Variants in FBXL22 observed in about 807,000 individuals in gnomAD.
FBXL22 encodes F-box and leucine-rich protein 22.
FBXL22 carries 13 observed loss-of-function variants against 11.7 expected under a neutral mutation model. The ratio of observed to expected loss-of-function variants is 1.11; its 90% CI spans 0.73 to 1.77. The LOEUF (loss-of-function observed/expected upper bound fraction) is 1.77, where lower values mean the gene tolerates loss of function less well. FBXL22 is among the 40% of genes most tolerant of loss of function. The pLI is 0.00. For synonymous variants in FBXL22, 160 were observed against 144.1 expected, an observed-to-expected ratio of 1.11 and a Z score of -0.79; for missense variants, 406 against 320.4, an observed-to-expected ratio of 1.27 and a Z score of -2.04.
At chr15:63,599,776 C>T in intron 1 of FBXL22, 1 of 986,306 alleles carries the variant, frequency 1.0e-6, no homozygotes, top group Non-Finnish European at 1.2e-6. Flanking sequence ...AGGCCCCGGC[C>T]CATTAGTCGG....
At chr15:63,606,746 A>T (rs1388526590), downstream of FBXL22, among the ~76,000 whole-genome samples, 3 of 152,186 alleles carry the variant, frequency 2.0e-5, no homozygotes, top group Admixed American at 1.3e-4. Flanking sequence ...GCAACGAAAC[A>T]GTGTGTGTTA....
At chr15:63,601,414 G>T (rs745714412), downstream of FBXL22, 3 of 1,592,028 alleles carry the variant, frequency 1.9e-6, no homozygotes, top group South Asian at 2.2e-5. Context: ...GGAGTTCGCC[G>T]ACTTGCGCTC....
chr15:63,600,716 G>C lies in FBXL22; in HGVS notation c.373G>C (p.Val125Leu). ...TCACAGGTGCCCCAACCTGGCGTCC[G>C]TCACGCTCTCGGGCTGCGGCCACGT... Reference protein sequence around the residue: ...VCDRCPNLASVTLSGCGHVTD... With the variant: ...VCDRCPNLASLTLSGCGHVTD... The change falls in exon 2 of 2, where the codon GTC (valine) becomes CTC (leucine). Residue 125 changes from valine (V) to leucine (L), a missense_variant. Transcript: ENST00000638704. The C allele has an allele frequency of 8.1e-7, 1 of 1,231,482 alleles. No individual in the cohort carries two copies. The highest frequency in any genetic ancestry group is 1.0e-6 in the Non-Finnish European group (1 of 987,790). 76.3% of individuals were successfully genotyped at this position (1,231,482 alleles called of 1,614,324 possible). A position where few individuals can be genotyped will look rare whatever the true frequency, so the allele number is the denominator to read the frequency against.
chr15:63,601,350 G>T (rs1187746506), downstream of FBXL22: 1 of 1,604,014 alleles, frequency 6.2e-7, no homozygotes, highest in Non-Finnish European at 8.5e-7. Flanking sequence ...CGTCCTCGGG[G>T]ACTCCGATCG....
Position 63,597,565 on chromosome 15 carries a change from C to A in FBXL22, c.173C>A (p.Thr58Asn), listed in dbSNP as rs1227295695. 1.2e-6 allele frequency: 2 copies of A among 1,614,174 alleles called. No individual in the cohort carries two copies. Among genetic ancestry groups the A allele is most frequent in the Non-Finnish European group, 1.7e-6 (2 of 1,180,044 alleles). Residue 58 changes from threonine to asparagine, a missense_variant, in exon 1 of 2, where the codon ACT (threonine) becomes AAT (asparagine). Thr to Asn is a moderately conservative substitution (Grantham distance 65, BLOSUM62 0). Coordinates refer to ENST00000638704, the MANE Select transcript of FBXL22 (RefSeq NM_001367807.1). This position sits in a 1 kb window ranked among gnomAD's most constrained non-coding sequence, Gnocchi z 4.3. Reference sequence around the variant, plus strand: ...TCCCTGCTGCACTTCCGTTCCCTCACTGAACTCCAGAAGGACAACTTCCTC... The same window carrying A: ...TCCCTGCTGCACTTCCGTTCCCTCAATGAACTCCAGAAGGACAACTTCCTC... Reference protein sequence around the residue: ...LWSLLHFRSLTELQKDNFLLG... With the variant: ...LWSLLHFRSLNELQKDNFLLG...
At position 63,600,129 on chromosome 15, in the gene FBXL22, G is replaced by A. The variant is rs527611020; in HGVS notation, c.354-568G>A. 1.1e-5 allele frequency: 11 copies of A among 985,802 alleles called. No homozygotes were observed. In the South Asian group the frequency reaches 4.7e-4, roughly 42 times the overall value. The allele number at this position is 985,802 out of a possible 1,614,324, so 61.1% of individuals were successfully genotyped here. The stretch of plus-strand genomic sequence containing the variant: ...CCCTTTTCCAGGCTGGTGGCCCAGG[G>A]GATGCAGGAACAGCTCTAGTCTACT... On this transcript the variant is annotated intron_variant, in intron 1 of 1. Transcript: ENST00000638704.
chr15:63,602,588 A>G (rs1196852440), downstream of FBXL22, among the ~76,000 whole-genome samples: 2 of 99,882 alleles, frequency 2.0e-5, no homozygotes, highest in African/African-American at 6.7e-5. Flanking sequence ...CTTGTCTCAA[A>G]AAAAAAAAAA....
At chr15:63,606,076 C>G (rs1416904762), downstream of FBXL22, among the ~76,000 whole-genome samples, 3 of 152,218 alleles carry the variant, frequency 2.0e-5, no homozygotes, top group Non-Finnish European at 4.4e-5. Context: ...TACCACGGCA[C>G]GCTGACAGGA....
intron 1 of FBXL22, chr15:63,599,977 T>G: frequency 1.0e-6 from 1 of 985,810 alleles, no homozygotes; most frequent in Non-Finnish European, 1.2e-6. Context: ...CTCAAGATCT[T>G]TTCTTTGCTG....
rs777626249 is a variant in FBXL22, at chr15:63,597,493, G to A, written c.101G>A (p.Arg34Lys). The change falls in exon 1 of 2, where the codon AGG (arginine) becomes AAG (lysine). Residue 34 changes from arginine (R) to lysine (K), a missense_variant. Arg to Lys is a conservative substitution (Grantham distance 26). Transcript: ENST00000638704. The surrounding 1 kb of genome is among the most constrained non-coding windows in gnomAD (Gnocchi z 4.3). ...AAGGACAGCAGGAAGAGCCTTGCCAGGACCTGCTCCCAGCTCCACGACGTG... is the reference window on the plus strand; with the variant it reads ...AAGGACAGCAGGAAGAGCCTTGCCAAGACCTGCTCCCAGCTCCACGACGTG... ...LDKDSRKSLA[R>K]TCSQLHDVFE... is the part of the protein sequence containing the mutation. The A allele has an allele frequency of 3.1e-6, 5 of 1,614,126 alleles. No homozygotes were observed. The highest frequency in any genetic ancestry group is 3.4e-6 in the Non-Finnish European group (4 of 1,180,022).
chr15:63,600,301 A>C lies in FBXL22; in HGVS notation c.354-396A>C, dbSNP rs2067346386. Reference sequence around the variant, plus strand: ...TTCAGGGGCCTCAGCTTGAAGCTAGACTGGAGCAATCGCCAAGCACCGCTC... The same window carrying C: ...TTCAGGGGCCTCAGCTTGAAGCTAGCCTGGAGCAATCGCCAAGCACCGCTC... On this transcript the variant is annotated intron_variant, in intron 1 of 1. Transcript: ENST00000638704. The C allele has an allele frequency of 9.9e-6, 10 of 1,010,588 alleles. No individual in the cohort carries two copies. The South Asian group carries it at 4.2e-4, about 42-fold the overall frequency. 62.6% of individuals were successfully genotyped at this position (1,010,588 alleles called of 1,614,324 possible).
rs2067340184 is a variant in FBXL22 at position 63,599,945 on chromosome 15, C to T, written c.354-752C>T. On this transcript the variant is annotated intron_variant, in intron 1 of 1. Coordinates refer to ENST00000638704, the MANE Select transcript of FBXL22 (RefSeq NM_001367807.1). Reference sequence around the variant, plus strand: ...AAGGCTCCGTGAGTGACTGACACGGCGATAAACCAAGTCTAACTTGGCTCA... The same window carrying T: ...AAGGCTCCGTGAGTGACTGACACGGTGATAAACCAAGTCTAACTTGGCTCA... The T allele has an allele frequency of 6.1e-6, 6 of 985,438 alleles. No homozygotes were observed. The South Asian group carries it at 2.3e-4, about 39-fold the overall frequency. The allele number at this position is 985,438 out of a possible 1,614,324, so 61.0% of individuals were successfully genotyped here.
Position 63,600,826 on chromosome 15 carries a change from C to T in FBXL22, c.483C>T (p.Asn161=). The T allele has an allele frequency of 8.1e-7, 1 of 1,230,786 alleles. No homozygotes were observed. The highest frequency in any genetic ancestry group is 1.0e-6 in the Non-Finnish European group (1 of 987,296). The allele number at this position is 1,230,786 out of a possible 1,614,324, so 76.2% of individuals were successfully genotyped here. Residue 161 remains asparagine (N), a synonymous_variant, in exon 2 of 2, where the codon AAC becomes AAT. Transcript: ENST00000638704. Reference sequence around the variant, plus strand: ...TGGAGAACTGCGCGCGCGTCACCAACCGCACGTTGGCTGCCGTGGCGGCGG... The same window carrying T: ...TGGAGAACTGCGCGCGCGTCACCAATCGCACGTTGGCTGCCGTGGCGGCGG... The part of the protein sequence containing the change: ...LRLENCARVT[N]RTLAAVAADG...
chr15:63,601,273 T>C, downstream of FBXL22: 2 of 1,553,964 alleles, frequency 1.3e-6, no homozygotes, highest in Non-Finnish European at 1.7e-6. Context: ...ACCACCGCCT[T>C]TCCCCTCTTG....
At position 63,597,723 on chromosome 15, in the gene FBXL22, TTCC is replaced by T; in HGVS notation, c.338_340del (p.Leu113del). 6.3e-7 allele frequency: 1 copy of T among 1,590,562 alleles called. No individual in the cohort carries two copies. Among genetic ancestry groups the T allele is most frequent in the South Asian group, 1.1e-5 (1 of 89,464 alleles). On this transcript the variant is annotated inframe_deletion, in exon 1 of 2. Coordinates refer to ENST00000638704, the MANE Select transcript of FBXL22 (RefSeq NM_001367807.1). The surrounding 1 kb of genome is among the most constrained non-coding windows in gnomAD (Gnocchi z 4.3). ...CCGGCACGAGAGCCTGGTCAATGATTTCCTCCTCCGGGTGTGCGACAGGTAGGC... is the reference window on the plus strand; with the variant it reads ...CCGGCACGAGAGCCTGGTCAATGATTTCCTCCGGGTGTGCGACAGGTAGGC...
rs1198501666 is a variant in FBXL22, at chr15:63,601,051, C to T, written c.*12C>T. The T allele has an allele frequency of 8.1e-7, 1 of 1,228,998 alleles. No homozygotes were observed. The highest frequency in any genetic ancestry group is 1.0e-6 in the Non-Finnish European group (1 of 986,186). The allele number at this position is 1,228,998 out of a possible 1,614,324, so 76.1% of individuals were successfully genotyped here. On this transcript the variant is annotated 3_prime_UTR_variant, in exon 2 of 2. Coordinates refer to ENST00000638704, the MANE Select transcript of FBXL22 (RefSeq NM_001367807.1). ...TGCTGCAGCGCTAGACGCCGCCCCGCCGCTGCCCCCGGGGAAGGAGCGCAG... is the reference window on the plus strand; with the variant it reads ...TGCTGCAGCGCTAGACGCCGCCCCGTCGCTGCCCCCGGGGAAGGAGCGCAG...
chr15:63,600,864 T>C lies in FBXL22; in HGVS notation c.521T>C (p.Leu174Pro). 2.4e-6 allele frequency: 3 copies of C among 1,229,070 alleles called. No individual in the cohort carries two copies. The highest frequency in any genetic ancestry group is 2.0e-6 in the Non-Finnish European group (2 of 986,310). The allele number at this position is 1,229,070 out of a possible 1,614,324, so 76.1% of individuals were successfully genotyped here. The stretch of plus-strand genomic sequence containing the variant: ...GCCGTGGCGGCGGACGGGCGCGCGC[T>C]GCAGACATTGCACGTGGACTTCTGC... ...LAAVAADGRA[L>P]QTLHVDFCRN... is the part of the protein sequence containing the mutation. Residue 174 changes from leucine (L) to proline (P), a missense_variant, in exon 2 of 2, where the codon CTG becomes CCG. Coordinates refer to ENST00000638704, the MANE Select transcript of FBXL22 (RefSeq NM_001367807.1).
chr15:63,599,681 G>C, intron 1 of FBXL22: 6 of 987,336 alleles, frequency 6.1e-6, no homozygotes, highest in Non-Finnish European at 7.2e-6. Context: ...GCCAGGGGCA[G>C]TCACGGAGCT....
rs1211310803 is a variant in FBXL22, at chr15:63,599,933, TGA to T, written c.354-763_354-762del. The T allele has an allele frequency of 5.1e-6, 5 of 985,508 alleles. No individual in the cohort carries two copies. In the East Asian group the frequency reaches 4.5e-4, roughly 90 times the overall value. 61.0% of individuals were successfully genotyped at this position (985,508 alleles called of 1,614,324 possible). On this transcript the variant is annotated intron_variant, in intron 1 of 1. Coordinates refer to ENST00000638704, the MANE Select transcript of FBXL22 (RefSeq NM_001367807.1). ...GCAGAGGAAATGAAGGCTCCGTGAG[TGA>T]CTGACACGGCGATAAACCAAGTCTA...
Sources: allele counts gnomAD v4.1 joint callset (sites outside exome capture counted in the v4.1 genomes callset), GRCh38; gene constraint gnomAD v4.1.1; non-coding constraint Gnocchi (gnomAD v3.1); transcripts MANE v1.5; gene names NCBI Gene and HGNC (gene_info 2026-07-23, HGNC 2026-07-21).